LDLRAD4: variants seen among roughly 807,000 people sequenced by gnomAD.
LDLRAD4 encodes the protein low-density lipoprotein receptor class A domain-containing protein 4.
Under a neutral mutation model 17.0 loss-of-function variants are expected in LDLRAD4, and 5 were observed. That is an observed-to-expected ratio of 0.29 (90% confidence interval 0.15 to 0.62). The LOEUF (loss-of-function observed/expected upper bound fraction) is 0.62. LDLRAD4 is among the 20% of genes least tolerant of loss of function. The pLI is 0.84. For synonymous variants in LDLRAD4, 168 were observed against 171.8 expected (o/e 0.98, Z 0.17); for missense variants, 340 against 424.7 (o/e 0.80, Z 1.75).
At position 13,581,155 on chromosome 18, in the gene LDLRAD4, G is replaced by A. The variant is rs781296172; in HGVS notation, c.182-39962G>A. 7.9e-5 allele frequency among the ~76,000 whole-genome samples: 12 copies of A among 152,346 alleles called. No homozygotes were observed. In the East Asian group the frequency reaches 1.2e-3, roughly 15 times the overall value. ...GCCTGAAGGTAATTTTATGCAGTGC[G>A]TAATAATTTTGTGCATGAAACAAAG... On this transcript the variant is annotated intron_variant, in intron 3 of 5. Coordinates refer to ENST00000359446, the Ensembl canonical transcript of LDLRAD4.
At chr18:13,396,284 G>T (rs540716846) in intron 2 of LDLRAD4, among the ~76,000 whole-genome samples, 2 of 152,292 alleles carry the variant, frequency 1.3e-5, no homozygotes, top group African/African-American at 4.8e-5. Flanking sequence ...CTAGCTGGGC[G>T]TGTAATTCTG....
intron 1 of LDLRAD4, among the ~76,000 whole-genome samples, chr18:13,325,384 C>T (rs1049271124): frequency 6.6e-6 from 1 of 152,192 alleles, no homozygotes. Flanking sequence ...GCAGAGTGCA[C>T]TAAGCCTTTG....
chr18:13,454,650 G>A (rs904073530), intron 3 of LDLRAD4, among the ~76,000 whole-genome samples: 5 of 152,272 alleles, frequency 3.3e-5, no homozygotes, highest in African/African-American at 1.2e-4. Flanking sequence ...TCTGCAGAGA[G>A]GGTAGCAGCA....
chr18:13,283,975 T>C (rs935340484), intron 1 of LDLRAD4, among the ~76,000 whole-genome samples: 1 of 152,180 alleles, frequency 6.6e-6, no homozygotes, highest in African/African-American at 2.4e-5. Context: ...CTCGTGAGAC[T>C]AATTCACTAT....
chr18:13,493,926 T>A (rs2147144643), intron 3 of LDLRAD4, among the ~76,000 whole-genome samples: 1 of 152,312 alleles, frequency 6.6e-6, no homozygotes, highest in African/African-American at 2.4e-5. Flanking sequence ...GGGTCCCCGC[T>A]TCTGAGAATC....
At chr18:13,296,441 C>T (rs931591772) in intron 1 of LDLRAD4, among the ~76,000 whole-genome samples, 6 of 152,136 alleles carry the variant, frequency 3.9e-5, no homozygotes, top group Non-Finnish European at 8.8e-5. Context: ...GCCTGTCTTC[C>T]GGGCTCAGAG....
At chr18:13,497,477 CA>C (rs35081664) in intron 3 of LDLRAD4, among the ~76,000 whole-genome samples, 1 of 151,834 alleles carries the variant, frequency 6.6e-6, no homozygotes, top group Non-Finnish European at 1.5e-5. Context: ...CTGGGCCTGG[CA>C]AAAGGGTGGC....
At chr18:13,387,036 A>G (rs1242742851) in intron 1 of LDLRAD4, among the ~76,000 whole-genome samples, 1 of 152,210 alleles carries the variant, frequency 6.6e-6, no homozygotes, top group Non-Finnish European at 1.5e-5. Context: ...TGGAGTGCTG[A>G]CCAGTGGCCA....
Position 13,547,399 on chromosome 18 carries a change from G to A in LDLRAD4, c.182-73718G>A, listed in dbSNP as rs1415531138. 6.6e-5 allele frequency among the ~76,000 whole-genome samples: 10 copies of A among 152,208 alleles called. No individual in the cohort carries two copies. The South Asian group carries it at 1.7e-3, about 25-fold the overall frequency. ...TGCGTCTGCTGTATCAGTGTCACAG[G>A]ATCCTTAGGGTGTTGCTTCACCCGC... On this transcript the variant is annotated intron_variant, in intron 3 of 5. Coordinates refer to ENST00000359446, the Ensembl canonical transcript of LDLRAD4.
At chr18:13,534,329 A>G (rs2147862746) in intron 3 of LDLRAD4, among the ~76,000 whole-genome samples, 1 of 152,286 alleles carries the variant, frequency 6.6e-6, no homozygotes, top group African/African-American at 2.4e-5. Context: ...GTCAAATGTT[A>G]TTTTCAGAAA....
intron 1 of LDLRAD4, among the ~76,000 whole-genome samples, chr18:13,326,075 A>G (rs1356849188): frequency 2.0e-5 from 3 of 152,000 alleles, no homozygotes. Context: ...CTGGCAATAT[A>G]AATTTTATAT....
chr18:13,247,106 A>C (rs1442859553), intron 1 of LDLRAD4, among the ~76,000 whole-genome samples: 1 of 152,198 alleles, frequency 6.6e-6, no homozygotes, highest in Non-Finnish European at 1.5e-5. Context: ...AATTCCAACC[A>C]GGCTTGCTTT....
chr18:13,642,404 T>C (rs977500961), intron 4 of LDLRAD4: 2 of 1,098,472 alleles, frequency 1.8e-6, no homozygotes, highest in Non-Finnish European at 2.2e-6. Context: ...CGTACTTTTT[T>C]TCCCAGCACG....
rs10163688 is a variant in LDLRAD4 at position 13,316,257 on chromosome 18, G to T, written c.-383+38069G>T. Among the ~76,000 whole-genome samples the T allele has an allele frequency of 5.6e-3, 850 of 152,316 alleles. 4 individuals carry two copies. Among genetic ancestry groups the T allele is most frequent in the African/African-American group, 0.019 (805 of 41,548 alleles). On this transcript the variant is annotated intron_variant, in intron 1 of 5. Transcript: ENST00000359446. ...AGCTGGAGGTGCATCTGAGTGAAAG[G>T]ACAGCTCTACGGCTGACAGCTGACT... is the stretch of plus-strand genomic sequence containing the variant.
chr18:13,641,805 A>G (rs2042584211), intron 4 of LDLRAD4: 2 of 985,590 alleles, frequency 2.0e-6, no homozygotes, highest in South Asian at 9.4e-5. Flanking sequence ...TCCTGTGGGC[A>G]CTTGGCCGGG....
In LDLRAD4 at chr18:13,239,186, C is replaced by CAAAAA. The variant is rs35736846; in HGVS notation, c.-467+20212_-467+20216dup. 3.0e-3 allele frequency among the ~76,000 whole-genome samples: 369 copies of CAAAAA among 121,258 alleles called. 9 individuals are homozygous for CAAAAA. Among genetic ancestry groups the CAAAAA allele is most frequent in the African/African-American group, 9.3e-3 (299 of 31,984 alleles). The allele number at this position is 121,258 out of a possible 152,430, so 79.5% of individuals were successfully genotyped here. A position where few individuals can be genotyped will look rare whatever the true frequency, so the allele number is the denominator to read the frequency against. The stretch of plus-strand genomic sequence containing the variant: ...TGGGCCACAGAGCAAGACTCTGTCT[C>CAAAAA]AAAAAAAAAAAAAAAAAATTGCTGC... On this transcript the variant is annotated intron_variant, in intron 1 of 5. Coordinates refer to the LDLRAD4 transcript ENST00000399848.
intron 3 of LDLRAD4, among the ~76,000 whole-genome samples, chr18:13,577,356 C>T (rs913136739): frequency 2.6e-5 from 4 of 152,100 alleles, no homozygotes; most frequent in Admixed American, 1.3e-4. Flanking sequence ...GACCCTGCAG[C>T]GGCAGTCCTG....
chr18:13,508,066 C>T (rs1020473384), intron 3 of LDLRAD4, among the ~76,000 whole-genome samples: 2 of 149,266 alleles, frequency 1.3e-5, no homozygotes, highest in Non-Finnish European at 2.9e-5. Flanking sequence ...AAAACAGCCT[C>T]ATTGTTGACA....
At chr18:13,311,707 G>A (rs1267944620) in intron 1 of LDLRAD4, among the ~76,000 whole-genome samples, 3 of 152,190 alleles carry the variant, frequency 2.0e-5, no homozygotes, top group South Asian at 2.1e-4. Context: ...GCCTGAGTCC[G>A]GAAAGGAGTT....
Sources: allele counts gnomAD v4.1 joint callset (sites outside exome capture counted in the v4.1 genomes callset), GRCh38; gene constraint gnomAD v4.1.1; transcripts MANE v1.5; gene names NCBI Gene and HGNC (gene_info 2026-07-23, HGNC 2026-07-21).